PELI2: variants seen among roughly 807,000 people sequenced by gnomAD.
PELI2 encodes pellino E3 ubiquitin protein ligase family member 2.
PELI2 carries 23 observed loss-of-function variants against 42.3 expected under a neutral mutation model. The observed-to-expected ratio is 0.54, with a 90% CI of 0.39 to 0.77. PELI2 has a LOEUF of 0.77. Ranked by LOEUF, PELI2 falls within the 30% of genes least tolerant of loss-of-function variation. PELI2 has a pLI of 0.00. For missense variants in PELI2, 463 were observed against 553.2 expected (o/e 0.84, Z 1.64); for synonymous variants, 245 against 212.2 (o/e 1.15, Z -1.34).
chr14:56,296,633 T>G lies in PELI2; in HGVS notation c.730T>G (p.Ser244Ala). ...ESETNVLQDG[S>A]LIDLCGATLL... ...TGAGACCAACGTCCTGCAGGACGGC[T>G]CCCTCATTGACCTGTGTGGGGCCAC... Residue 244 changes from serine (S) to alanine (A), a missense_variant, in exon 6 of 6, where the codon TCC becomes GCC. By Grantham distance (99) the Ser-to-Ala change is moderately conservative (BLOSUM62 1). Coordinates refer to ENST00000267460, the MANE Select transcript of PELI2 (RefSeq NM_021255.3). 1 of 1,610,634 alleles carries G rather than the reference T, an allele frequency of 6.2e-7. No homozygotes were observed. Among genetic ancestry groups the G allele is most frequent in the East Asian group, 2.2e-5 (1 of 44,750 alleles).
intron 1 of PELI2, among the ~76,000 whole-genome samples, chr14:56,138,793 A>G (rs1883783143): frequency 6.6e-6 from 1 of 152,230 alleles, no homozygotes; most frequent in Admixed American, 6.5e-5. Flanking sequence ...AATGTCTGTC[A>G]TTCATTCACT....
intron 1 of PELI2, among the ~76,000 whole-genome samples, chr14:56,171,215 A>G (rs1199698556): frequency 3.3e-5 from 5 of 152,168 alleles, no homozygotes; most frequent in African/African-American, 7.2e-5. Flanking sequence ...GGCGGGACCT[A>G]TAAGAGGTGA....
Position 56,300,450 on chromosome 14 carries a change from T to C in PELI2, c.*3284T>C, listed in dbSNP as rs1890140908. On this transcript the variant is annotated 3_prime_UTR_variant, in exon 6 of 6. Coordinates refer to ENST00000267460, the MANE Select transcript of PELI2 (RefSeq NM_021255.3). ...TAGTTCATAAAGCTTCAATGTCTTT[T>C]TTTTTTTTTTCATGGAAAAACTCAA... is the stretch of plus-strand genomic sequence containing the variant. 2.6e-5 allele frequency: 4 copies of C among 152,490 alleles called. No individual in the cohort carries two copies. Among genetic ancestry groups the C allele is most frequent in the Non-Finnish European group, 5.9e-5 (4 of 68,002 alleles). 9.4% of individuals were successfully genotyped at this position (152,490 alleles called of 1,614,324 possible). A position where few individuals can be genotyped will look rare whatever the true frequency, so the allele number is the denominator to read the frequency against.
chr14:56,137,408 G>A (rs971523770), intron 1 of PELI2, among the ~76,000 whole-genome samples: 3 of 152,142 alleles, frequency 2.0e-5, no homozygotes, highest in Admixed American at 6.6e-5. Flanking sequence ...AGAGCTTAGC[G>A]GGTCATTGGA....
chr14:56,160,294 C>G (rs375922036), intron 1 of PELI2, among the ~76,000 whole-genome samples: 1 of 152,128 alleles, frequency 6.6e-6, no homozygotes, highest in South Asian at 2.1e-4. Flanking sequence ...TGCTTTTCTA[C>G]TTTATGAGGC....
At chr14:56,158,218 G>A (rs1884635252) in intron 1 of PELI2, among the ~76,000 whole-genome samples, 1 of 151,928 alleles carries the variant, frequency 6.6e-6, no homozygotes, top group Non-Finnish European at 1.5e-5. Context: ...AGTAGAGACG[G>A]GGTTTCATGG....
chr14:56,181,143 C>T (rs549640600), intron 2 of PELI2, among the ~76,000 whole-genome samples: 2 of 152,188 alleles, frequency 1.3e-5, no homozygotes, highest in South Asian at 4.2e-4. Flanking sequence ...ATCTCCAGTT[C>T]ATTCTATTTT....
intron 2 of PELI2, among the ~76,000 whole-genome samples, chr14:56,268,112 C>G (rs1025650905): frequency 3.9e-5 from 6 of 152,176 alleles, no homozygotes; most frequent in African/African-American, 1.4e-4. Flanking sequence ...TGCCTATGTA[C>G]TTTTTCTCCA....
At chr14:56,185,799 A>G (rs1427293358) in intron 2 of PELI2, among the ~76,000 whole-genome samples, 1 of 152,082 alleles carries the variant, frequency 6.6e-6, no homozygotes, top group African/African-American at 2.4e-5. Flanking sequence ...ATGTATTGAT[A>G]CTTAACATAA....
chr14:56,266,246 A>C (rs1888898288), intron 2 of PELI2, among the ~76,000 whole-genome samples: 1 of 152,046 alleles, frequency 6.6e-6, no homozygotes, highest in South Asian at 2.1e-4. Flanking sequence ...ATCATAAAGC[A>C]AATATTGATT....
At chr14:56,208,922 G>A (rs1044413921) in intron 2 of PELI2, among the ~76,000 whole-genome samples, 2 of 152,138 alleles carry the variant, frequency 1.3e-5, no homozygotes, top group South Asian at 2.1e-4. Context: ...TGTTACCAGC[G>A]TTAAAATTTA....
intron 2 of PELI2, among the ~76,000 whole-genome samples, chr14:56,243,449 G>T (rs971309179): frequency 6.6e-6 from 1 of 152,170 alleles, no homozygotes; most frequent in African/African-American, 2.4e-5. Flanking sequence ...CCAGTTCCTG[G>T]CACTTTGTGA....
chr14:56,283,030 G>T (rs1889531338), intron 3 of PELI2, among the ~76,000 whole-genome samples: 1 of 152,180 alleles, frequency 6.6e-6, no homozygotes, highest in Non-Finnish European at 1.5e-5. Context: ...TTATAGGTAA[G>T]TCAGGTACTC....
chr14:56,120,958 A>G (rs932033100), intron 1 of PELI2, among the ~76,000 whole-genome samples: 5 of 152,196 alleles, frequency 3.3e-5, no homozygotes, highest in Non-Finnish European at 5.9e-5. Context: ...AACACATTGA[A>G]GAGTGCAGGT....
chr14:56,221,514 C>T (rs1887131895), intron 2 of PELI2, among the ~76,000 whole-genome samples: 1 of 152,160 alleles, frequency 6.6e-6, no homozygotes, highest in East Asian at 1.9e-4. Flanking sequence ...TTGCCAGATC[C>T]CAAATTGGAA....
intron 2 of PELI2, among the ~76,000 whole-genome samples, chr14:56,179,333 C>T (rs1268835853): frequency 1.3e-5 from 2 of 152,216 alleles, no homozygotes; most frequent in East Asian, 3.9e-4. Flanking sequence ...TTCCTGAAAA[C>T]CCACTTTTGG....
intron 1 of PELI2, 52 bp from the exon 2 acceptor site, chr14:56,178,283 T>C: frequency 6.2e-7 from 1 of 1,600,240 alleles, no homozygotes. Context: ...ACTTTTATGT[T>C]TAAAGCTTGA....
At chr14:56,231,031 G>T (rs953673411) in intron 2 of PELI2, among the ~76,000 whole-genome samples, 5 of 152,054 alleles carry the variant, frequency 3.3e-5, no homozygotes, top group African/African-American at 9.7e-5. Flanking sequence ...AATGGTAAAG[G>T]GATCAATTCA....
chr14:56,268,958 C>G (rs1027903777), intron 2 of PELI2, among the ~76,000 whole-genome samples: 1 of 152,174 alleles, frequency 6.6e-6, no homozygotes, highest in African/African-American at 2.4e-5. Context: ...GCTTTCAAAA[C>G]TGAGACGAAA....
Sources: gnomAD v4.1 joint callset for allele counts (sites outside exome capture counted in the v4.1 genomes callset) on GRCh38, gnomAD v4.1.1 for gene constraint, MANE v1.5 for transcripts, NCBI Gene and HGNC (gene_info 2026-07-23, HGNC 2026-07-21) for gene names.